Variants in GLI2 observed in about 807,000 individuals in gnomAD.
GLI2 encodes the protein transcription activator GLI2.
Under a neutral mutation model 78.9 loss-of-function variants are expected in GLI2, and 22 were observed. The observed-to-expected ratio is 0.28, with a 90% confidence interval of 0.20 to 0.40. The LOEUF is 0.40. Ranked by LOEUF, GLI2 falls within the 10% of genes least tolerant of loss-of-function variation. The pLI is 1.00. For missense variants in GLI2, 2,097 were observed against 2,213.2 expected (o/e 0.95, Z 1.05); for synonymous variants, 974 against 963.7 (o/e 1.01, Z -0.20).
rs1439689005 is a variant in GLI2, at chr2:120,976,520, C to T, written c.1317+1411C>T. On this transcript the variant is annotated intron_variant, in intron 9 of 13. Transcript: ENST00000361492. ...AAACAAGCCCTAGATGGAGCAGGGA[C>T]CGTGGAGCTGTGAGTTGCAGAACAA... is the stretch of plus-strand genomic sequence containing the variant. Among the ~76,000 whole-genome samples, 3 of 152,298 alleles carry T rather than the reference C, an allele frequency of 2.0e-5. No individual in the cohort carries two copies. In the East Asian group the frequency reaches 5.8e-4, roughly 29 times the overall value.
rs1303926821 is a variant in GLI2, at chr2:120,793,378, G to A, written c.-30-3913G>A. Among the ~76,000 whole-genome samples, 5 of 152,224 alleles carry A rather than the reference G, an allele frequency of 3.3e-5. No individual in the cohort carries two copies. The East Asian group carries it at 9.6e-4, about 29-fold the overall frequency. On this transcript the variant is annotated intron_variant, in intron 1 of 13. Coordinates refer to ENST00000361492, the MANE Select transcript of GLI2 (RefSeq NM_001374353.1). ...CCCTCTTTTTCTGGAGCTCTGTGGA[G>A]CCCGTGGGAGCCATCCCTGGAGAGA...
At chr2:120,967,838 C>T (rs1398599863) in intron 5 of GLI2, among the ~76,000 whole-genome samples, 1 of 152,242 alleles carries the variant, frequency 6.6e-6, no homozygotes, top group African/African-American at 2.4e-5. Context: ...CTGCCTGTGT[C>T]AGGATGCCTC....
At chr2:120,968,620 C>T in intron 5 of GLI2, 94 bp from the exon 6 acceptor site, 1 of 953,264 alleles carries the variant, frequency 1.0e-6, no homozygotes, top group Non-Finnish European at 1.7e-6. Flanking sequence ...TCCCATTAGA[C>T]CATCCTTGCA....
chr2:120,947,881 C>A (rs547110229), intron 3 of GLI2, among the ~76,000 whole-genome samples: 4 of 152,218 alleles, frequency 2.6e-5, no homozygotes, highest in African/African-American at 9.6e-5. Context: ...GCTCACATCC[C>A]CCTCTTCAGG....
intron 2 of GLI2, among the ~76,000 whole-genome samples, chr2:120,799,884 T>G (rs1684612908): frequency 6.6e-6 from 1 of 151,828 alleles, no homozygotes; most frequent in Non-Finnish European, 1.5e-5. Context: ...CGGAAGGAGG[T>G]GCCTGGAAGC....
At chr2:120,784,367 A>T (rs1288767236) in intron 1 of GLI2, among the ~76,000 whole-genome samples, 4 of 152,174 alleles carry the variant, frequency 2.6e-5, no homozygotes, top group African/African-American at 9.7e-5. Context: ...CTTAGCTCTT[A>T]GGAGTTCATC....
chr2:120,816,925 A>G (rs1215654419), intron 2 of GLI2, among the ~76,000 whole-genome samples: 1 of 152,216 alleles, frequency 6.6e-6, no homozygotes, highest in Non-Finnish European at 1.5e-5. Context: ...AGGCCTTCCC[A>G]TGCTGTTGGT....
intron 5 of GLI2, among the ~76,000 whole-genome samples, chr2:120,960,214 G>A (rs1681479650): frequency 6.6e-6 from 1 of 152,306 alleles, no homozygotes; most frequent in Admixed American, 6.5e-5. Context: ...GAGTTCCTGG[G>A]CGGGACCAAG....
intron 2 of GLI2, among the ~76,000 whole-genome samples, chr2:120,808,024 G>A (rs72971914): frequency 0.034 from 5,104 of 152,214 alleles, 279 homozygotes; most frequent in African/African-American, 0.12. Context: ...TCTGCTTTGT[G>A]TTTTGGGGGA....
intron 1 of GLI2, among the ~76,000 whole-genome samples, chr2:120,748,911 A>G (rs1041281114): frequency 1.3e-5 from 2 of 151,494 alleles, no homozygotes; most frequent in Non-Finnish European, 2.9e-5. Flanking sequence ...TCATCATCCA[A>G]CTATCCAACC....
At chr2:120,740,556 C>T (rs1342020678) in intron 1 of GLI2, among the ~76,000 whole-genome samples, 1 of 151,998 alleles carries the variant, frequency 6.6e-6, no homozygotes, top group African/African-American at 2.4e-5. Context: ...AAGAGTTCAG[C>T]AAAGGGAAGG....
chr2:120,741,459 T>C (rs967339872), intron 1 of GLI2, among the ~76,000 whole-genome samples: 1 of 150,604 alleles, frequency 6.6e-6, no homozygotes, highest in African/African-American at 2.4e-5. Context: ...CTCTTCTCTC[T>C]GGGTCTCTCC....
chr2:120,880,925 C>T (rs1287913258), intron 2 of GLI2, among the ~76,000 whole-genome samples: 1 of 152,152 alleles, frequency 6.6e-6, no homozygotes, highest in Admixed American at 6.5e-5. Flanking sequence ...TCCCCCCCTG[C>T]CCCCACCAGG....
chr2:120,932,544 C>T (rs942178435), intron 3 of GLI2, among the ~76,000 whole-genome samples: 2 of 152,184 alleles, frequency 1.3e-5, no homozygotes, highest in Non-Finnish European at 2.9e-5. Flanking sequence ...CCAGGCTACC[C>T]GCACTGGGAC....
intron 13 of GLI2, among the ~76,000 whole-genome samples, chr2:120,987,190 G>A (rs1367417621): frequency 1.3e-5 from 2 of 152,222 alleles, no homozygotes; most frequent in Non-Finnish European, 2.9e-5. Flanking sequence ...GATGGAAGGC[G>A]TCTTTAACGA....
intron 2 of GLI2, among the ~76,000 whole-genome samples, chr2:120,818,326 A>G (rs1685601560): frequency 6.6e-6 from 1 of 152,244 alleles, no homozygotes; most frequent in African/African-American, 2.4e-5. Flanking sequence ...AGAAGAAAGT[A>G]GCATCTGCTT....
intron 3 of GLI2, among the ~76,000 whole-genome samples, chr2:120,931,925 T>C (rs1346264171): frequency 1.3e-5 from 2 of 152,094 alleles, no homozygotes; most frequent in Non-Finnish European, 2.9e-5. Flanking sequence ...TGGGGTGGGC[T>C]TCCAGCGGCT....
At chr2:120,904,371 C>T (rs947246999) in intron 2 of GLI2, among the ~76,000 whole-genome samples, 8 of 152,186 alleles carry the variant, frequency 5.3e-5, no homozygotes, top group African/African-American at 1.4e-4. Flanking sequence ...CCCAGATGCT[C>T]GTTCTAAACT....
chr2:120,800,882 A>T lies in GLI2; in HGVS notation c.148+3414A>T, dbSNP rs1684677697. On this transcript the variant is annotated intron_variant, in intron 2 of 13. Transcript: ENST00000361492. This position sits in a 1 kb window ranked among gnomAD's most constrained non-coding sequence, Gnocchi z 4.1. ...AGAAGGTGTGGGGTGGGTGGGTCTT[A>T]TCTGAGGATGTCAGGGGCGCAGTGG... Among the ~76,000 whole-genome samples, 1 of 152,152 alleles carries T rather than the reference A, an allele frequency of 6.6e-6. No homozygotes were observed. Among genetic ancestry groups the T allele is most frequent in the Non-Finnish European group, 1.5e-5 (1 of 68,012 alleles).
Sources: allele counts gnomAD v4.1 joint callset (sites outside exome capture counted in the v4.1 genomes callset), GRCh38; gene constraint gnomAD v4.1.1; non-coding constraint Gnocchi (gnomAD v3.1); transcripts MANE v1.5; gene names NCBI Gene and HGNC (gene_info 2026-07-23, HGNC 2026-07-21).